CCDC171: variants seen among roughly 807,000 people sequenced by gnomAD.
CCDC171 encodes the protein coiled-coil domain containing 171, also known as coiled-coil domain-containing protein 171.
A neutral mutation model predicts 168.2 loss-of-function variants in CCDC171; 177 were observed. That is an observed-to-expected ratio of 1.05 (90% CI 0.93 to 1.19). CCDC171 has a LOEUF of 1.19. Among genes scored for constraint, CCDC171 ranks in the 50% most tolerant of loss-of-function variants. The probability of loss-of-function intolerance (pLI) is 0.00; values close to 1 mark genes in which losing one functional copy is unlikely to be tolerated. For missense variants in CCDC171, 1,991 were observed against 1,539.0 expected (o/e 1.29, Z -4.91); for synonymous variants, 687 against 540.8 (o/e 1.27, Z -3.75).
At chr9:16,001,061 A>G (rs888079262) in intron 3 of CCDC171, among the ~76,000 whole-genome samples, 4 of 152,276 alleles carry the variant, frequency 2.6e-5, no homozygotes, top group African/African-American at 2.4e-5. Flanking sequence ...TTGTATGTAT[A>G]TATTGGAAAG....
At chr9:15,737,160 A>C (rs1410673648) in intron 16 of CCDC171, among the ~76,000 whole-genome samples, 4 of 152,046 alleles carry the variant, frequency 2.6e-5, no homozygotes, top group African/African-American at 9.7e-5. Flanking sequence ...TAATTTTTAC[A>C]TAATTTAGTT....
At chr9:16,035,473 C>G (rs1833448433) in exon 7 of CCDC171, 2 of 152,138 alleles carry the variant, frequency 1.3e-5, no homozygotes, top group Non-Finnish European at 2.9e-5. Context: ...TGGCGAATGT[C>G]ACCACCTGTG....
At chr9:15,792,522 C>G (rs1042870957) in intron 21 of CCDC171, among the ~76,000 whole-genome samples, 19 of 152,144 alleles carry the variant, frequency 1.2e-4, no homozygotes, top group Non-Finnish European at 2.2e-4. Context: ...ACATAATTGT[C>G]AGATTCACCA....
chr9:15,979,061 A>G (rs1410564566), intron 3 of CCDC171, among the ~76,000 whole-genome samples: 2 of 152,172 alleles, frequency 1.3e-5, no homozygotes, highest in Admixed American at 1.3e-4. Flanking sequence ...GGTACCGTGT[A>G]TCTACTTCAT....
At chr9:15,691,541 GTTTTTTATATAT>G (rs1180008210) in intron 10 of CCDC171, among the ~76,000 whole-genome samples, 3 of 114,836 alleles carry the variant, frequency 2.6e-5, no homozygotes, top group East Asian at 4.9e-4. Flanking sequence ...GTAAATATAT[GTTTTTTATATAT>G]ATATATATAT....
At chr9:16,072,871 G>T in the CCDC171 span, among the ~76,000 whole-genome samples, 2 of 152,172 alleles carry the variant, frequency 1.3e-5, no homozygotes, top group Admixed American at 1.3e-4. Flanking sequence ...CGCTTTCTCT[G>T]CTCACCAGAT....
chr9:15,911,945 C>T (rs1484248561), intron 24 of CCDC171, among the ~76,000 whole-genome samples: 1 of 152,224 alleles, frequency 6.6e-6, no homozygotes, highest in Non-Finnish European at 1.5e-5. Context: ...GTTTTGGTTA[C>T]TGTAGCCTTG....
At chr9:15,664,824 T>A (rs372009847) in intron 8 of CCDC171, among the ~76,000 whole-genome samples, 5 of 148,284 alleles carry the variant, frequency 3.4e-5, no homozygotes, top group African/African-American at 1.2e-4. Flanking sequence ...TCAGCCTCCC[T>A]AGTGGCTGGG....
At chr9:16,093,081 AAAAC>A in the CCDC171 span, among the ~76,000 whole-genome samples, 4 of 152,330 alleles carry the variant, frequency 2.6e-5, no homozygotes, top group East Asian at 7.7e-4. Flanking sequence ...TCAAAGCAGG[AAAAC>A]AAACCACGGG....
intron 6 of CCDC171, among the ~76,000 whole-genome samples, chr9:15,619,284 C>T (rs1396252916): frequency 6.6e-6 from 1 of 152,194 alleles, no homozygotes; most frequent in Non-Finnish European, 1.5e-5. Flanking sequence ...AAAACCAGTA[C>T]AGGCCAAACG....
intron 17 of CCDC171, 98 bp from the exon 18 acceptor site, chr9:15,745,417 T>C (rs2055197878): frequency 1.5e-6 from 1 of 647,242 alleles, no homozygotes; most frequent in African/African-American, 1.9e-5. Context: ...AATAGGGTTT[T>C]ATCTGTTTCT....
At chr9:15,994,762 A>T (rs902795235) in intron 3 of CCDC171, among the ~76,000 whole-genome samples, 1 of 152,218 alleles carries the variant, frequency 6.6e-6, no homozygotes, top group East Asian at 1.9e-4. Flanking sequence ...AATCACCTTG[A>T]TTCTGAACTA....
At chr9:15,974,153 A>G (rs1005043909), downstream of CCDC171, 1 of 152,146 alleles carries the variant, frequency 6.6e-6, no homozygotes, top group African/African-American at 2.4e-5. Context: ...ATAAGCAACT[A>G]GATGCTAAAG....
intron 14 of CCDC171, among the ~76,000 whole-genome samples, chr9:15,725,682 T>G (rs1260213760): frequency 2.0e-5 from 3 of 152,158 alleles, no homozygotes; most frequent in African/African-American, 7.2e-5. Context: ...ACTCCTGACC[T>G]CAGGTGATCT....
At chr9:15,677,359 A>C (rs1166771961) in intron 9 of CCDC171, among the ~76,000 whole-genome samples, 1 of 152,184 alleles carries the variant, frequency 6.6e-6, no homozygotes, top group Non-Finnish European at 1.5e-5. Context: ...AATATACAAA[A>C]AAAGTTAACA....
chr9:15,839,078 G>A (rs1324786482), intron 21 of CCDC171, among the ~76,000 whole-genome samples: 1 of 152,138 alleles, frequency 6.6e-6, no homozygotes. Context: ...ACAATGGAGT[G>A]CTGTACAATT....
chr9:15,878,504 A>G (rs909507144), intron 24 of CCDC171, among the ~76,000 whole-genome samples: 4 of 152,212 alleles, frequency 2.6e-5, no homozygotes, highest in African/African-American at 9.6e-5. Context: ...TTGTGGAGAA[A>G]AGGGAATGCT....
At chr9:15,678,682 A>G in intron 9 of CCDC171, 76 bp from the exon 10 acceptor site, 2 of 1,206,062 alleles carry the variant, frequency 1.7e-6, no homozygotes, top group South Asian at 1.7e-5. Context: ...TACATCTGCC[A>G]TATGTATTAA....
intron 24 of CCDC171, among the ~76,000 whole-genome samples, chr9:15,879,286 G>GT (rs990399205): frequency 4.6e-5 from 7 of 151,940 alleles, no homozygotes; most frequent in Non-Finnish European, 7.4e-5. Context: ...GGGCCATACA[G>GT]TTTTTTTCAC....
Sources: allele counts gnomAD v4.1 joint callset (sites outside exome capture counted in the v4.1 genomes callset), GRCh38; gene constraint gnomAD v4.1.1; transcripts MANE v1.5; gene names NCBI Gene and HGNC (gene_info 2026-07-23, HGNC 2026-07-21).